The following PRKACB variants were observed in gnomAD, a reference collection of about 807,000 sequenced individuals.
PRKACB encodes the protein protein kinase cAMP-activated catalytic subunit beta, also known as cAMP-dependent protein kinase catalytic subunit beta.
PRKACB carries 16 observed loss-of-function variants against 51.4 expected under a neutral mutation model. That is an observed-to-expected ratio of 0.31 (90% confidence interval 0.21 to 0.47). The LOEUF (loss-of-function observed/expected upper bound fraction) is 0.47, where lower values mean the gene tolerates loss of function less well. Among genes scored for constraint, PRKACB ranks in the 20% least tolerant of loss-of-function variants. The pLI is 1.00. For missense variants in PRKACB, 309 were observed against 464.5 expected (o/e 0.67, Z 3.08); for synonymous variants, 147 against 154.4 (o/e 0.95, Z 0.35).
At chr1:84,187,016 T>C (rs1290570611) in intron 5 of PRKACB, among the ~76,000 whole-genome samples, 1 of 152,128 alleles carries the variant, frequency 6.6e-6, no homozygotes, top group East Asian at 1.9e-4. Context: ...ATTAACAATA[T>C]AGTAAAATGT....
intron 1 of PRKACB, among the ~76,000 whole-genome samples, chr1:84,082,899 G>A (rs368834256): frequency 6.6e-6 from 1 of 152,208 alleles, no homozygotes; most frequent in African/African-American, 2.4e-5. Context: ...AGTGAGTGTA[G>A]ATGAACGGAA....
chr1:84,175,061 G>A, intron 1 of PRKACB: 1 of 1,452,048 alleles, frequency 6.9e-7, no homozygotes, highest in Admixed American at 2.8e-5. Context: ...TATCTGGTAG[G>A]CAATTACTTT....
chr1:84,163,317 T>C (rs1252267032), intron 1 of PRKACB, among the ~76,000 whole-genome samples: 1 of 152,054 alleles, frequency 6.6e-6, no homozygotes, highest in African/African-American at 2.4e-5. Context: ...CTGGTGAACT[T>C]ACGTAGCCTC....
intron 1 of PRKACB, among the ~76,000 whole-genome samples, chr1:84,122,050 G>A (rs1460818266): frequency 6.6e-6 from 1 of 152,020 alleles, no homozygotes; most frequent in Non-Finnish European, 1.5e-5. Context: ...TAGGGTACAT[G>A]TTAAGTCTCT....
intron 1 of PRKACB, among the ~76,000 whole-genome samples, chr1:84,127,927 T>C (rs1651773260): frequency 6.6e-6 from 1 of 151,912 alleles, no homozygotes; most frequent in Admixed American, 6.6e-5. Context: ...TTACATTGTG[T>C]AAAAAATAAA....
chr1:84,161,934 A>G (rs1363324052), intron 1 of PRKACB, among the ~76,000 whole-genome samples: 1 of 151,906 alleles, frequency 6.6e-6, no homozygotes, highest in Non-Finnish European at 1.5e-5. Context: ...CTTTCTGTCA[A>G]TTTGAGCTGT....
chr1:84,116,724 CTT>C (rs1650665515), intron 1 of PRKACB, among the ~76,000 whole-genome samples: 1 of 152,036 alleles, frequency 6.6e-6, no homozygotes. Flanking sequence ...TTGGTGAAGT[CTT>C]TGGTTTTTCT....
At chr1:84,130,289 C>G (rs1440588728) in intron 1 of PRKACB, among the ~76,000 whole-genome samples, 3 of 151,446 alleles carry the variant, frequency 2.0e-5, no homozygotes, top group Non-Finnish European at 1.5e-5. Flanking sequence ...AATGAAATTC[C>G]ATTTGTTTGT....
In PRKACB at chr1:84,235,678, A is replaced by G. The variant is rs1363613095; in HGVS notation, c.*373A>G. ...TATGGCTACGTGATATTTGAAGGGA[A>G]GGATAAGTGTTGCTTTCAGTAGTTA... On this transcript the variant is annotated 3_prime_UTR_variant, in exon 10 of 10. Coordinates refer to ENST00000370685, the MANE Select transcript of PRKACB (RefSeq NM_182948.4). 1.8e-5 allele frequency: 3 copies of G among 164,674 alleles called. No homozygotes were observed. Among genetic ancestry groups the G allele is most frequent in the Non-Finnish European group, 3.9e-5 (3 of 76,466 alleles). 10.2% of individuals were successfully genotyped at this position (164,674 alleles called of 1,614,324 possible).
chr1:84,165,524 G>T (rs763633729), intron 1 of PRKACB, among the ~76,000 whole-genome samples: 15 of 151,728 alleles, frequency 9.9e-5, no homozygotes, highest in Non-Finnish European at 1.3e-4. Flanking sequence ...AGGATTTAAT[G>T]ATGAAATAAT....
At chr1:84,086,323 G>A in intron 1 of PRKACB, 1 of 810,554 alleles carries the variant, frequency 1.2e-6, no homozygotes. Context: ...CTGGCCCCTG[G>A]GGCCCAGGCT....
intron 1 of PRKACB, among the ~76,000 whole-genome samples, chr1:84,082,716 G>A (rs1647648399): frequency 6.6e-6 from 1 of 152,180 alleles, no homozygotes; most frequent in Admixed American, 6.5e-5. Flanking sequence ...CCACATGTCT[G>A]TTGAGCACTG....
intron 5 of PRKACB, among the ~76,000 whole-genome samples, chr1:84,193,719 T>G (rs1285943829): frequency 6.6e-6 from 1 of 152,124 alleles, no homozygotes; most frequent in Non-Finnish European, 1.5e-5. Flanking sequence ...ATGTGGAAAA[T>G]TTAATTCTTG....
chr1:84,173,683 C>T (rs1321157244), intron 1 of PRKACB, among the ~76,000 whole-genome samples: 1 of 151,730 alleles, frequency 6.6e-6, no homozygotes, highest in Non-Finnish European at 1.5e-5. Flanking sequence ...AGTTTCCATC[C>T]TCTTTTGTTC....
rs1341614807 is a variant in PRKACB at position 84,208,042 on chromosome 1, G to A, written c.906+5237G>A. Among the ~76,000 whole-genome samples the A allele has an allele frequency of 2.0e-5, 3 of 151,716 alleles. No individual in the cohort carries two copies. The South Asian group carries it at 6.2e-4, about 32-fold the overall frequency. On this transcript the variant is annotated intron_variant, in intron 8 of 9. Coordinates refer to ENST00000370685, the MANE Select transcript of PRKACB (RefSeq NM_182948.4). ...GCCACCACGCCCGGCTAATTTTTGT[G>A]TTTTTAGTAGGGACAGGGTTTCACC...
intron 8 of PRKACB, among the ~76,000 whole-genome samples, chr1:84,211,913 C>A (rs558650834): frequency 6.6e-6 from 1 of 152,212 alleles, no homozygotes; most frequent in East Asian, 1.9e-4. Context: ...GAACATAAAA[C>A]TGCTCATAAT....
chr1:84,182,406 A>G (rs935467846), intron 3 of PRKACB, 78 bp downstream of exon 3: 1 of 1,124,026 alleles, frequency 8.9e-7, no homozygotes, highest in Admixed American at 3.0e-5. Flanking sequence ...ATTCAGTATA[A>G]TGACTTACCA....
chr1:84,234,462 G>A (rs1357069644), intron 9 of PRKACB, among the ~76,000 whole-genome samples: 2 of 152,250 alleles, frequency 1.3e-5, no homozygotes, highest in Admixed American at 6.5e-5. Context: ...CTTCCCAGCT[G>A]CTTTGTTTAC....
At chr1:84,083,158 C>G (rs1362428508) in intron 1 of PRKACB, among the ~76,000 whole-genome samples, 1 of 152,104 alleles carries the variant, frequency 6.6e-6, no homozygotes, top group African/African-American at 2.4e-5. Context: ...TTACTTAGGT[C>G]TTTACACCTT....
Sources: gnomAD v4.1 joint callset for allele counts (sites outside exome capture counted in the v4.1 genomes callset) on GRCh38, gnomAD v4.1.1 for gene constraint, MANE v1.5 for transcripts, NCBI Gene and HGNC (gene_info 2026-07-23, HGNC 2026-07-21) for gene names.